The following DPH6 variants were observed in gnomAD, a reference collection of about 807,000 sequenced individuals.
The protein encoded by DPH6 is diphthine--ammonia ligase.
In DPH6, 33 loss-of-function variants were observed where a neutral mutation model predicts 38.2. That is an observed-to-expected ratio of 0.86 (90% CI 0.65 to 1.15). The LOEUF (loss-of-function observed/expected upper bound fraction) is 1.15. DPH6 is among the 50% of genes most tolerant of loss of function. DPH6 has a pLI of 0.00. For missense variants in DPH6, 325 were observed against 320.0 expected (o/e 1.02, Z -0.12); for synonymous variants, 108 against 103.0 (o/e 1.05, Z -0.30).
chr15:35,489,524 T>C (rs1474203556), intron 3 of DPH6: 9 of 983,450 alleles, frequency 9.2e-6, no homozygotes, highest in Non-Finnish European at 1.1e-5. Context: ...CTTATTTTCA[T>C]AATCTTTTGC....
intron 6 of DPH6, among the ~76,000 whole-genome samples, chr15:35,389,165 C>T (rs1188347708): frequency 1.3e-5 from 2 of 152,190 alleles, no homozygotes; most frequent in South Asian, 4.2e-4. Context: ...GTGAGTTTCT[C>T]AATCCTGAGT....
chr15:35,397,869 A>ATACACACACACG (rs1555398531), intron 6 of DPH6, among the ~76,000 whole-genome samples: 24 of 108,530 alleles, frequency 2.2e-4, no homozygotes, highest in Admixed American at 1.2e-3. Context: ...TTATATATAT[A>ATACACACACACG]CACACACACA....
intron 3 of DPH6, among the ~76,000 whole-genome samples, chr15:35,263,316 G>T (rs2120775): frequency 0.55 from 82,987 of 151,126 alleles, 24,973 homozygotes; most frequent in East Asian, 0.69. Flanking sequence ...TTCTTCCATA[G>T]TTCCTCTGAA....
intron 6 of DPH6, among the ~76,000 whole-genome samples, chr15:35,385,261 T>C (rs1262663307): frequency 6.6e-6 from 1 of 152,186 alleles, no homozygotes; most frequent in Non-Finnish European, 1.5e-5. Context: ...AGCCATCCCA[T>C]TACCAGATAT....
At chr15:35,295,079 C>T (rs1411169390) in intron 3 of DPH6, among the ~76,000 whole-genome samples, 3 of 152,242 alleles carry the variant, frequency 2.0e-5, no homozygotes, top group Admixed American at 6.5e-5. Flanking sequence ...TAACACACAA[C>T]GATCTCACCT....
chr15:35,464,070 C>A (rs1471640328), intron 3 of DPH6, among the ~76,000 whole-genome samples: 1 of 151,818 alleles, frequency 6.6e-6, no homozygotes, highest in African/African-American at 2.4e-5. Context: ...CCAAGGCAGG[C>A]GGATCACAAG....
intron 3 of DPH6, among the ~76,000 whole-genome samples, chr15:35,495,650 T>A (rs1046262754): frequency 6.6e-6 from 1 of 152,038 alleles, no homozygotes; most frequent in Non-Finnish European, 1.5e-5. Context: ...AATATTCTGA[T>A]GATGTCAATT....
At position 35,298,837 on chromosome 15, in the gene DPH6, T is replaced by G. The variant is rs372937059; in HGVS notation, n.200+74684A>C. 59 of 1,063,432 alleles carry G rather than the reference T, an allele frequency of 5.5e-5. 5 individuals carry two copies. Among genetic ancestry groups the G allele is most frequent in the East Asian group, 3.5e-4 (15 of 42,432 alleles). 65.9% of individuals were successfully genotyped at this position (1,063,432 alleles called of 1,614,324 possible). A position where few individuals can be genotyped will look rare whatever the true frequency, so the allele number is the denominator to read the frequency against. Reference sequence around the variant, plus strand: ...GTACACTGGGGGAGGAATGGCAGTTTTGGAAGACTGTGATCGAGGTCTTGA... The same window carrying G: ...GTACACTGGGGGAGGAATGGCAGTTGTGGAAGACTGTGATCGAGGTCTTGA... On this transcript the variant is annotated intron_variant and non_coding_transcript_variant, in intron 3 of 3. Transcript: ENST00000560386.
chr15:35,318,016 G>A (rs151273888), intron 3 of DPH6, among the ~76,000 whole-genome samples: 3 of 152,052 alleles, frequency 2.0e-5, no homozygotes, highest in East Asian at 3.9e-4. Context: ...GCATATAACA[G>A]GAGAGAGGCA....
At chr15:35,329,586 G>A (rs770850683), downstream of DPH6, among the ~76,000 whole-genome samples, 1 of 152,272 alleles carries the variant, frequency 6.6e-6, no homozygotes. Context: ...CAGCATGAAA[G>A]AGAACAGGCA....
intron 3 of DPH6, chr15:35,298,264 A>T: frequency 1.8e-6 from 1 of 552,266 alleles, no homozygotes; most frequent in African/African-American, 1.9e-5. Flanking sequence ...TGTTCTGCCA[A>T]ATCCAAGATA....
the DPH6 span, among the ~76,000 whole-genome samples, chr15:35,196,535 C>T: frequency 5.9e-3 from 894 of 152,166 alleles, 12 homozygotes; most frequent in African/African-American, 0.02. Context: ...GCGTAAGGTA[C>T]GAGTGCAAAC....
intron 3 of DPH6, among the ~76,000 whole-genome samples, chr15:35,344,523 C>T (rs1383564005): frequency 6.6e-6 from 1 of 151,708 alleles, no homozygotes. Flanking sequence ...AAGGATGTTA[C>T]AAAAAATGCT....
intron 3 of DPH6, among the ~76,000 whole-genome samples, chr15:35,306,766 A>G (rs1440828609): frequency 2.6e-5 from 4 of 152,192 alleles, no homozygotes. Flanking sequence ...CTCCCTCAGT[A>G]AAGTTCAGGT....
At chr15:35,296,655 A>G (rs1233852634) in intron 3 of DPH6, among the ~76,000 whole-genome samples, 1 of 152,208 alleles carries the variant, frequency 6.6e-6, no homozygotes, top group Non-Finnish European at 1.5e-5. Flanking sequence ...ACATAACTGG[A>G]GACAGATTTC....
chr15:35,373,398 C>A (rs2052738085), intron 8 of DPH6, 123 bp downstream of exon 8: 16 of 771,334 alleles, frequency 2.1e-5, no homozygotes, highest in South Asian at 1.5e-4. Flanking sequence ...TGAAAAAAAA[C>A]CACTAATGAT....
chr15:35,228,886 C>A (rs911314698), intron 3 of DPH6, among the ~76,000 whole-genome samples: 1 of 152,126 alleles, frequency 6.6e-6, no homozygotes, highest in Non-Finnish European at 1.5e-5. Context: ...TCTCTCCTGG[C>A]CTGTAAGGTT....
chr15:35,400,799 G>A, intron 6 of DPH6: 1 of 759,986 alleles, frequency 1.3e-6, no homozygotes. Context: ...TCTGAGCAAT[G>A]GGGAATGCTC....
chr15:35,300,230 TGTA>T (rs886789887), intron 3 of DPH6, among the ~76,000 whole-genome samples: 52 of 152,360 alleles, frequency 3.4e-4, no homozygotes, highest in African/African-American at 1.2e-3. Context: ...GGTATAATCA[TGTA>T]GTACTCATAG....
Sources: allele counts gnomAD v4.1 joint callset (sites outside exome capture counted in the v4.1 genomes callset), GRCh38; gene constraint gnomAD v4.1.1; transcripts MANE v1.5; gene names NCBI Gene and HGNC (gene_info 2026-07-23, HGNC 2026-07-21).